MTTP: variants seen among roughly 807,000 people sequenced by gnomAD.
MTTP encodes the protein microsomal triglyceride transfer protein large subunit.
In MTTP, 49 loss-of-function variants were observed where a neutral mutation model predicts 90.6. That is an observed-to-expected ratio of 0.54 (90% CI 0.43 to 0.69). The LOEUF is 0.69. Ranked by LOEUF, MTTP falls within the 30% of genes least tolerant of loss-of-function variation. MTTP has a pLI of 0.00. For missense variants in MTTP, 945 were observed against 1,067.5 expected, an observed-to-expected ratio of 0.89 and a Z score of 1.60; for synonymous variants, 347 against 384.2, an observed-to-expected ratio of 0.90 and a Z score of 1.13.
At chr4:99,585,413 A>G (rs979572486) in intron 3 of MTTP, among the ~76,000 whole-genome samples, 2 of 152,126 alleles carry the variant, frequency 1.3e-5, no homozygotes, top group Non-Finnish European at 2.9e-5. Context: ...TTCTATGCCT[A>G]CTGTCTTCCA....
At chr4:99,605,520 A>C (rs116459847) in intron 10 of MTTP, among the ~76,000 whole-genome samples, 6,541 of 152,226 alleles carry the variant, frequency 0.043, 155 homozygotes, top group Non-Finnish European at 0.056. Flanking sequence ...GCTGTTATAA[A>C]TAATACTGAA....
At chr4:99,612,799 A>G in intron 14 of MTTP, 114 bp from the exon 15 acceptor site, 1 of 942,254 alleles carries the variant, frequency 1.1e-6, no homozygotes, top group Non-Finnish European at 1.7e-6. Context: ...AGCTGTTGCA[A>G]ATATTTAAGT....
chr4:99,601,821 T>G (rs1578247488), intron 10 of MTTP, 107 bp downstream of exon 10: 2 of 870,792 alleles, frequency 2.3e-6, no homozygotes, highest in East Asian at 2.5e-5. Context: ...TACTCTATTC[T>G]ACTTACCTTA....
intron 6 of MTTP, 89 bp downstream of exon 6, chr4:99,591,879 T>C: frequency 8.2e-7 from 1 of 1,214,168 alleles, no homozygotes; most frequent in Non-Finnish European, 1.2e-6. Context: ...TTTGTGTGTG[T>C]GTGTGTGTGC....
chr4:99,582,171 A>T (rs1725136758), intron 2 of MTTP, 79 bp downstream of exon 2: 2 of 1,400,418 alleles, frequency 1.4e-6, no homozygotes, highest in South Asian at 2.3e-5. Context: ...CAGCACTTGT[A>T]TTGGGTTCCC....
chr4:99,621,617 GGCAATCCATTTACCA>G (rs2110238642), intron 17 of MTTP, among the ~76,000 whole-genome samples: 1 of 152,146 alleles, frequency 6.6e-6, no homozygotes, highest in East Asian at 1.9e-4. Context: ...TAAAACACCT[GGCAATCCATTTACCA>G]TGTTTAAGGG....
intron 1 of MTTP, among the ~76,000 whole-genome samples, chr4:99,579,282 A>T (rs1725039573): frequency 6.6e-6 from 1 of 151,962 alleles, no homozygotes; most frequent in Non-Finnish European, 1.5e-5. Flanking sequence ...ATCTCACTCA[A>T]ACTCCCCAAA....
rs147650394 is a variant in MTTP, at chr4:99,607,252, T to C, written c.1557+292T>C. 2.6e-3 allele frequency among the ~76,000 whole-genome samples: 402 copies of C among 152,376 alleles called. 5 individuals carry two copies. The highest frequency in any genetic ancestry group is 3.5e-3 in the Non-Finnish European group (238 of 68,038). On this transcript the variant is annotated intron_variant, in intron 11 of 17. Coordinates refer to ENST00000265517, the MANE Select transcript of MTTP (RefSeq NM_001386140.1). ...TTATAAGTTTTAAGATGCTGTTACA[T>C]TTTTCAATACTGAAATATCCTGGTT...
At chr4:99,565,969 G>A (rs80237470) in intron 1 of MTTP, among the ~76,000 whole-genome samples, 1 of 152,244 alleles carries the variant, frequency 6.6e-6, no homozygotes, top group Non-Finnish European at 1.5e-5. Context: ...AACATTAACC[G>A]GGTCATTTAG....
intron 3 of MTTP, 47 bp downstream of exon 3, chr4:99,583,564 T>C: frequency 6.2e-7 from 1 of 1,608,606 alleles, no homozygotes; most frequent in Non-Finnish European, 8.5e-7. Flanking sequence ...ACTTCATATT[T>C]TTCTTCCCTT....
upstream of MTTP, among the ~76,000 whole-genome samples, chr4:99,573,746 A>C (rs1314360074): frequency 6.6e-6 from 1 of 152,216 alleles, no homozygotes; most frequent in East Asian, 1.9e-4. Flanking sequence ...TGACCAGGAT[A>C]GATTTAAGAA....
chr4:99,622,905 ATGAC>A lies in MTTP; in HGVS notation c.*59_*62del. On this transcript the variant is annotated 3_prime_UTR_variant, in exon 18 of 18. Transcript: ENST00000265517. ...CTCCCCGAAAGGGACACAATGTGGC[ATGAC>A]TAAGTACTTGCTCTCTGAGAGCACA... 1 of 1,542,526 alleles carries A rather than the reference ATGAC, an allele frequency of 6.5e-7. No homozygotes were observed.
chr4:99,611,291 G>C (rs1289444967), intron 13 of MTTP, 41 bp from the exon 14 acceptor site: 1 of 1,613,908 alleles, frequency 6.2e-7, no homozygotes, highest in Admixed American at 1.7e-5. Flanking sequence ...ACTTAGCATT[G>C]CTGGAACTGC....
chr4:99,577,605 C>CAAAAAAAAAAAAAAAAAAA (rs10605949), intron 1 of MTTP, among the ~76,000 whole-genome samples: 3 of 101,320 alleles, frequency 3.0e-5, no homozygotes, highest in African/African-American at 1.1e-4. Flanking sequence ...AACTCTGTTT[C>CAAAAAAAAAAAAAAAAAAA]AAAAAAAAAA....
chr4:99,579,360 C>T (rs1725042682), intron 1 of MTTP, among the ~76,000 whole-genome samples: 2 of 152,146 alleles, frequency 1.3e-5, no homozygotes, highest in Admixed American at 1.3e-4. Flanking sequence ...TTATTTATTT[C>T]CAGCCTCTTT....
intron 3 of MTTP, among the ~76,000 whole-genome samples, chr4:99,585,033 G>A (rs564650271): frequency 1.3e-4 from 20 of 152,194 alleles, no homozygotes; most frequent in South Asian, 6.2e-4. Context: ...TTTCTCATGG[G>A]CAGAGTTGTA....
In MTTP at chr4:99,600,734, G is replaced by A. The variant is rs762781522; in HGVS notation, c.1236+1G>A. 1.9e-6 allele frequency: 3 copies of A among 1,613,252 alleles called. No individual in the cohort carries two copies. Among genetic ancestry groups the A allele is most frequent in the Non-Finnish European group, 2.5e-6 (3 of 1,179,476 alleles). On this transcript the variant is annotated splice_donor_variant, in intron 9 of 17. Transcript: ENST00000265517. LOFTEE classifies it high-confidence loss of function. ...TGAAGAACTCCTGAGAGCCCTCATTGTAAGTCAAATAGAAAATAAAGACCC... is the reference window on the plus strand; with the variant it reads ...TGAAGAACTCCTGAGAGCCCTCATTATAAGTCAAATAGAAAATAAAGACCC...
intron 17 of MTTP, 129 bp downstream of exon 17, chr4:99,621,360 T>C (rs150565123): frequency 8.2e-7 from 1 of 1,216,472 alleles, no homozygotes; most frequent in African/African-American, 1.5e-5. Flanking sequence ...TGAATTTTCT[T>C]TAAATGAGTA....
In MTTP at chr4:99,590,981, C is replaced by T. The variant is rs141186441; in HGVS notation, c.502-254C>T. On this transcript the variant is annotated intron_variant, in intron 4 of 17. Transcript: ENST00000265517. Reference sequence around the variant, plus strand: ...CATTTGTCTAATTTTAATTGGATTTCGAGAGAAGTAGGAAATCCCACATTA... The same window carrying T: ...CATTTGTCTAATTTTAATTGGATTTTGAGAGAAGTAGGAAATCCCACATTA... Among the ~76,000 whole-genome samples, 6,541 of 151,804 alleles carry T rather than the reference C, an allele frequency of 0.043. 154 individuals carry two copies. The highest frequency in any genetic ancestry group is 0.056 in the Non-Finnish European group (3,819 of 67,936).
Sources: allele counts gnomAD v4.1 joint callset (sites outside exome capture counted in the v4.1 genomes callset), GRCh38; gene constraint gnomAD v4.1.1; transcripts MANE v1.5; gene names NCBI Gene and HGNC (gene_info 2026-07-23, HGNC 2026-07-21).